The following FAM169A variants were observed in gnomAD, a reference collection of about 807,000 sequenced individuals.
FAM169A encodes the protein soluble lamin-associated protein of 75 kDa.
In FAM169A, 24 loss-of-function variants were observed where a neutral mutation model predicts 75.7. That is an observed-to-expected ratio of 0.32 (90% CI 0.23 to 0.45). The LOEUF (loss-of-function observed/expected upper bound fraction) is 0.45, where lower values mean the gene tolerates loss of function less well. Among genes scored for constraint, FAM169A ranks in the 20% least tolerant of loss-of-function variants. The pLI is 1.00. For synonymous variants in FAM169A, 271 were observed against 271.0 expected, an observed-to-expected ratio of 1.00 and a Z score of 0.00; for missense variants, 673 against 784.0, an observed-to-expected ratio of 0.86 and a Z score of 1.69.
chr5:74,843,602 G>A (rs1428889140), intron 1 of FAM169A, among the ~76,000 whole-genome samples: 1 of 152,118 alleles, frequency 6.6e-6, no homozygotes, highest in Admixed American at 6.5e-5. Flanking sequence ...TATTTCATTG[G>A]TCTATCTTAT....
At position 74,847,895 on chromosome 5, in the gene FAM169A, C is replaced by T. The variant is rs1749240300; in HGVS notation, c.-3-6216G>A. On this transcript the variant is annotated intron_variant, in intron 1 of 12. Coordinates refer to ENST00000687041, the MANE Select transcript of FAM169A (RefSeq NM_001376049.1). ...CTTAAATACAAAACAACCCTGTGTCCCAGAGTCTGACAATTTAGATAACCT... is the reference window on the plus strand; with the variant it reads ...CTTAAATACAAAACAACCCTGTGTCTCAGAGTCTGACAATTTAGATAACCT... 2.6e-5 allele frequency among the ~76,000 whole-genome samples: 4 copies of T among 151,858 alleles called. No homozygotes were observed. The South Asian group carries it at 8.3e-4, about 32-fold the overall frequency.
Position 74,781,084 on chromosome 5 carries a change from A to C in FAM169A, c.*376T>G, listed in dbSNP as rs568631741. ...ACCCTCACCAAGTTTTACTATTAAA[A>C]CCCTTAGTATAAAAGATTTCTGTGA... On this transcript the variant is annotated 3_prime_UTR_variant, in exon 13 of 13. Transcript: ENST00000687041. 6.0e-6 allele frequency: 1 copy of C among 166,334 alleles called. No homozygotes were observed. The highest frequency in any genetic ancestry group is 2.4e-5 in the African/African-American group (1 of 41,990). 10.3% of individuals were successfully genotyped at this position (166,334 alleles called of 1,614,324 possible).
At chr5:74,800,538 T>C (rs186430498) in intron 10 of FAM169A, among the ~76,000 whole-genome samples, 10 of 152,154 alleles carry the variant, frequency 6.6e-5, no homozygotes, top group Admixed American at 6.6e-4. Flanking sequence ...GAAGTGAGTT[T>C]ATGCCAGTCT....
intron 10 of FAM169A, among the ~76,000 whole-genome samples, chr5:74,798,710 T>A (rs1298223968): frequency 6.6e-6 from 1 of 152,070 alleles, no homozygotes; most frequent in Non-Finnish European, 1.5e-5. Flanking sequence ...AAAGTTAGAG[T>A]CTTGCTTTAA....
At chr5:74,859,280 G>A (rs1414185242) in intron 1 of FAM169A, among the ~76,000 whole-genome samples, 1 of 147,522 alleles carries the variant, frequency 6.8e-6, no homozygotes, top group African/African-American at 2.5e-5. Context: ...AAAAATGAAG[G>A]TTTTCTCTTT....
Position 74,834,508 on chromosome 5 carries a change from G to C in FAM169A, c.408C>G (p.Phe136Leu). Residue 136 changes from phenylalanine (F) to leucine (L), a missense_variant, in exon 5 of 13, where the codon TTC becomes TTG. Coordinates refer to ENST00000687041, the MANE Select transcript of FAM169A (RefSeq NM_001376049.1). ...KQEMERNEIP[F>L]LCHSSTDYAK... ...CATAATCAGTACTGCTATGACACAG[G>C]AATGGGATCTCATTTCTCTCCATTT... The C allele has an allele frequency of 6.2e-7, 1 of 1,603,528 alleles. No individual in the cohort carries two copies. The highest frequency in any genetic ancestry group is 8.5e-7 in the Non-Finnish European group (1 of 1,175,164).
chr5:74,836,522 A>C (rs1160168687), intron 4 of FAM169A, among the ~76,000 whole-genome samples: 1 of 152,218 alleles, frequency 6.6e-6, no homozygotes, highest in African/African-American at 2.4e-5. Context: ...AAATAAAGTC[A>C]ACTTGCTCCA....
intron 5 of FAM169A, among the ~76,000 whole-genome samples, chr5:74,832,569 TTACA>T (rs1748369399): frequency 6.6e-6 from 1 of 150,630 alleles, no homozygotes; most frequent in Non-Finnish European, 1.5e-5. Flanking sequence ...GAAAAAAATA[TTACA>T]TACATATCAG....
At chr5:74,854,397 A>AAATAAT (rs3031222) in intron 1 of FAM169A, among the ~76,000 whole-genome samples, 13 of 150,774 alleles carry the variant, frequency 8.6e-5, no homozygotes, top group Admixed American at 2.6e-4. Context: ...TCCATCTCAA[A>AAATAAT]AATAATAATA....
chr5:74,808,834 C>A (rs539926622), intron 6 of FAM169A, among the ~76,000 whole-genome samples: 1 of 152,186 alleles, frequency 6.6e-6, no homozygotes, highest in Non-Finnish European at 1.5e-5. Flanking sequence ...TTATTACAAT[C>A]AATAAATATT....
upstream of FAM169A, chr5:74,866,608 C>G (rs1484545405): frequency 1.2e-5 from 8 of 663,914 alleles, no homozygotes; most frequent in Admixed American, 6.3e-5. Context: ...CTCTCCGCCC[C>G]GGCCGCCGTC....
intron 11 of FAM169A, among the ~76,000 whole-genome samples, chr5:74,792,352 C>T (rs576188582): frequency 3.2e-4 from 49 of 152,234 alleles, no homozygotes; most frequent in African/African-American, 1.1e-3. Context: ...CAGGTGGGCA[C>T]CATCTAATCA....
chr5:74,840,502 G>C (rs1417555710), intron 2 of FAM169A, among the ~76,000 whole-genome samples: 1 of 149,332 alleles, frequency 6.7e-6, no homozygotes, highest in East Asian at 2.0e-4. Flanking sequence ...TAGCCTACTT[G>C]AGGAAGATAT....
At chr5:74,812,280 C>T (rs1747236978) in intron 6 of FAM169A, among the ~76,000 whole-genome samples, 1 of 151,998 alleles carries the variant, frequency 6.6e-6, no homozygotes, top group Admixed American at 6.6e-5. Context: ...CAAGCCACCA[C>T]ACCCAGCTAA....
intron 2 of FAM169A, among the ~76,000 whole-genome samples, 175 bp downstream of exon 2, chr5:74,841,370 G>C (rs1243394305): frequency 2.0e-5 from 3 of 152,052 alleles, no homozygotes; most frequent in Non-Finnish European, 4.4e-5. Flanking sequence ...AACCTGTGGA[G>C]TTTCTCTTTT....
At chr5:74,839,259 C>T (rs1469803939) in intron 3 of FAM169A, among the ~76,000 whole-genome samples, 1 of 152,104 alleles carries the variant, frequency 6.6e-6, no homozygotes, top group East Asian at 1.9e-4. Flanking sequence ...ACCCAAATCT[C>T]ATCTTGAACT....
chr5:74,788,645 C>T (rs192374754), intron 11 of FAM169A, among the ~76,000 whole-genome samples: 18 of 151,258 alleles, frequency 1.2e-4, no homozygotes, highest in East Asian at 5.8e-4. Context: ...GTGGAGGTTG[C>T]GGTGAGCCAA....
At chr5:74,817,826 T>C (rs1401627713) in intron 5 of FAM169A, among the ~76,000 whole-genome samples, 1 of 152,056 alleles carries the variant, frequency 6.6e-6, no homozygotes, top group African/African-American at 2.4e-5. Flanking sequence ...ATCGAAGAAA[T>C]AGAACTGAGG....
intron 5 of FAM169A, among the ~76,000 whole-genome samples, chr5:74,821,670 T>C (rs1349360443): frequency 6.6e-6 from 1 of 152,228 alleles, no homozygotes; most frequent in African/African-American, 2.4e-5. Flanking sequence ...TTTAACATAA[T>C]AAAAGTTCCT....
Sources: gnomAD v4.1 joint callset for allele counts (sites outside exome capture counted in the v4.1 genomes callset) on GRCh38, gnomAD v4.1.1 for gene constraint, MANE v1.5 for transcripts, NCBI Gene and HGNC (gene_info 2026-07-23, HGNC 2026-07-21) for gene names.